Variants in PFKFB2 observed in about 807,000 individuals in gnomAD.
PFKFB2 encodes 6-phosphofructo-2-kinase/fructose-2,6-bisphosphatase 2.
Under a neutral mutation model 68.0 loss-of-function variants are expected in PFKFB2, and 53 were observed. The observed-to-expected ratio is 0.78, with a 90% CI of 0.63 to 0.98. The LOEUF is 0.98. PFKFB2 is among the 50% of genes least tolerant of loss of function. PFKFB2 has a pLI of 0.00. For missense variants in PFKFB2, 451 were observed against 642.0 expected (o/e 0.70, Z 3.22); for synonymous variants, 222 against 227.6 (o/e 0.98, Z 0.22).
intron 2 of PFKFB2, chr1:207,043,977 G>C (rs1202953191): frequency 6.6e-6 from 1 of 152,532 alleles, no homozygotes; most frequent in Non-Finnish European, 1.5e-5. Flanking sequence ...AAGAGTTGTA[G>C]AAAATGAAGT....
chr1:207,041,089 C>T (rs1197864418), intron 1 of PFKFB2, among the ~76,000 whole-genome samples: 6 of 151,820 alleles, frequency 4.0e-5, no homozygotes, highest in South Asian at 4.2e-4. Flanking sequence ...CCACCACGCC[C>T]GGCTACTTTT....
At chr1:207,052,309 A>C, upstream of PFKFB2, 1 of 1,280,062 alleles carries the variant, frequency 7.8e-7, no homozygotes, top group Non-Finnish European at 1.1e-6. Flanking sequence ...AGACGACTGC[A>C]ACGGATGATA....
At chr1:207,052,443 C>T, upstream of PFKFB2, 2 of 481,038 alleles carry the variant, frequency 4.2e-6, no homozygotes, top group East Asian at 3.8e-5. Context: ...GGGTGAATCA[C>T]CCGAGGTCAG....
In PFKFB2 at chr1:207,039,074, T is replaced by C. The variant is rs533291415; in HGVS notation, c.-61-3095T>C. Among the ~76,000 whole-genome samples the C allele has an allele frequency of 3.3e-5, 5 of 152,350 alleles. No homozygotes were observed. In the East Asian group the frequency reaches 7.7e-4, roughly 23 times the overall value. On this transcript the variant is annotated intron_variant, in intron 1 of 5. Transcript: ENST00000545806. The stretch of plus-strand genomic sequence containing the variant: ...TTCAAGATCATTTTCTTGATCTTCA[T>C]TGTAAGAGTAAGAAAAACAAGGCTA...
intron 2 of PFKFB2, chr1:207,048,063 T>TC (rs572884349): frequency 1.2e-3 from 179 of 151,712 alleles, no homozygotes; most frequent in African/African-American, 3.8e-3. Context: ...GAAAATTAAA[T>TC]TCCCCCCGAT....
upstream of PFKFB2, chr1:207,049,737 A>C: frequency 6.3e-7 from 1 of 1,596,030 alleles, no homozygotes. Flanking sequence ...TTAAAAATAA[A>C]ACAAATCCCG....
At chr1:207,036,727 T>G (rs1301443388) in intron 1 of PFKFB2, among the ~76,000 whole-genome samples, 1 of 152,202 alleles carries the variant, frequency 6.6e-6, no homozygotes, top group Non-Finnish European at 1.5e-5. Context: ...ATGTTTTTCC[T>G]ATAAAATCCT....
At chr1:207,040,121 G>T (rs548875538) in intron 1 of PFKFB2, among the ~76,000 whole-genome samples, 1 of 152,162 alleles carries the variant, frequency 6.6e-6, no homozygotes, top group African/African-American at 2.4e-5. Flanking sequence ...ACAAGTTATG[G>T]TGATGTCTAT....
intron 1 of PFKFB2, among the ~76,000 whole-genome samples, chr1:207,053,693 T>G (rs1422728948): frequency 6.6e-6 from 1 of 152,048 alleles, no homozygotes; most frequent in Non-Finnish European, 1.5e-5. Context: ...GGAAGTCATT[T>G]ACCACCTCAG....
At chr1:207,049,107 G>C, upstream of PFKFB2, 1 of 1,613,904 alleles carries the variant, frequency 6.2e-7, no homozygotes, top group Non-Finnish European at 8.5e-7. Context: ...GACATACCAT[G>C]CATCTCAGGG....
At chr1:207,052,227 T>C (rs766754087), upstream of PFKFB2, 7 of 1,612,628 alleles carry the variant, frequency 4.3e-6, no homozygotes, top group Admixed American at 1.2e-4. Context: ...TTATATGTAA[T>C]GTTTCCATCT....
At chr1:207,041,491 T>A (rs1356682913) in intron 1 of PFKFB2, among the ~76,000 whole-genome samples, 1 of 152,160 alleles carries the variant, frequency 6.6e-6, no homozygotes, top group Non-Finnish European at 1.5e-5. Context: ...AGTGTTTGGT[T>A]TTCTGTTCCT....
Position 207,063,049 on chromosome 1 carries a change from G to A in PFKFB2, c.309-94G>A. 1 of 1,016,478 alleles carries A rather than the reference G, an allele frequency of 9.8e-7. No individual in the cohort carries two copies. The allele number at this position is 1,016,478 out of a possible 1,614,324, so 63.0% of individuals were successfully genotyped here. ...GTTTTGAACAGTGGGAAACTAAGTG[G>A]GCAGGGATGTGACTTCTGTAGCCAC... On this transcript the variant is annotated intron_variant, in intron 4 of 14. Transcript: ENST00000367080. This position sits in a 1 kb window ranked among gnomAD's most constrained non-coding sequence, Gnocchi z 4.1.
chr1:207,079,020 T>C (rs2102292910), downstream of PFKFB2: 1 of 1,609,888 alleles, frequency 6.2e-7, no homozygotes, highest in Non-Finnish European at 8.5e-7. Flanking sequence ...GCCTTGCTAA[T>C]GATGTGGATG....
At chr1:207,069,599 G>T in intron 11 of PFKFB2, 71 bp downstream of exon 11, 1 of 1,007,942 alleles carries the variant, frequency 9.9e-7, no homozygotes, top group Middle Eastern at 2.1e-4. Flanking sequence ...TTTGGGGGAA[G>T]GATTGAATGT....
chr1:207,052,098 C>T, upstream of PFKFB2: 3 of 1,129,316 alleles, frequency 2.7e-6, no homozygotes, highest in South Asian at 3.9e-5. Context: ...GACAGCAAGT[C>T]CCACTTGCCA....
upstream of PFKFB2, chr1:207,053,064 G>C (rs1218976385): frequency 1.3e-5 from 2 of 152,266 alleles, no homozygotes; most frequent in Non-Finnish European, 2.9e-5. Context: ...AGTGCCACCA[G>C]GCTCCTCGGC....
chr1:207,077,372 C>T lies in PFKFB2; in HGVS notation c.*5001C>T. 1 of 983,726 alleles carries T rather than the reference C, an allele frequency of 1.0e-6. No individual in the cohort carries two copies. The highest frequency in any genetic ancestry group is 1.2e-6 in the Non-Finnish European group (1 of 828,448). 60.9% of individuals were successfully genotyped at this position (983,726 alleles called of 1,614,324 possible). On this transcript the variant is annotated 3_prime_UTR_variant, in exon 15 of 15. Transcript: ENST00000367080. ...TGGCAAAAGTATTTTTTCCAGTAAG[C>T]CTTTCACTGGATATCTGTGACCAAT... is the stretch of plus-strand genomic sequence containing the variant.
At chr1:207,054,494 A>T (rs1408653783) in intron 1 of PFKFB2, among the ~76,000 whole-genome samples, 2 of 152,232 alleles carry the variant, frequency 1.3e-5, no homozygotes, top group Non-Finnish European at 2.9e-5. Flanking sequence ...GTCAGAAGAT[A>T]AATGTAAGGT....
Sources: gnomAD v4.1 joint callset for allele counts (sites outside exome capture counted in the v4.1 genomes callset) on GRCh38, gnomAD v4.1.1 for gene constraint, Gnocchi (gnomAD v3.1) non-coding constraint, MANE v1.5 for transcripts, NCBI Gene and HGNC (gene_info 2026-07-23, HGNC 2026-07-21) for gene names.